The following GALNT13 variants were observed in gnomAD, a reference collection of about 807,000 sequenced individuals.
GALNT13 encodes polypeptide N-acetylgalactosaminyltransferase 13.
Under a neutral mutation model 64.2 loss-of-function variants are expected in GALNT13, and 28 were observed. That is an observed-to-expected ratio of 0.44 (90% confidence interval 0.32 to 0.60). The LOEUF (loss-of-function observed/expected upper bound fraction) is 0.60, where lower values mean the gene tolerates loss of function less well. GALNT13 is among the 20% of genes least tolerant of loss of function. GALNT13 has a pLI of 0.05. For missense variants in GALNT13, 577 were observed against 669.8 expected (o/e 0.86, Z 1.53); for synonymous variants, 214 against 224.6 (o/e 0.95, Z 0.42).
chr2:153,345,641 TTCTTTCTTTC>T, the GALNT13 span, among the ~76,000 whole-genome samples: 4 of 101,614 alleles, frequency 3.9e-5, no homozygotes, highest in East Asian at 1.3e-3. Context: ...TTCTTTTTCT[TTCTTTCTTTC>T]TTTCTTTCTT....
chr2:154,288,419 A>T (rs1692403971), intron 8 of GALNT13, among the ~76,000 whole-genome samples: 1 of 152,080 alleles, frequency 6.6e-6, no homozygotes, highest in African/African-American at 2.4e-5. Context: ...AAAACCAATC[A>T]TGCCTTCCCA....
chr2:154,375,485 T>C (rs557511045), intron 9 of GALNT13, among the ~76,000 whole-genome samples: 10 of 152,238 alleles, frequency 6.6e-5, no homozygotes, highest in Admixed American at 2.6e-4. Context: ...CATTGGGCGC[T>C]TGCTTCCAAG....
chr2:154,000,367 C>G (rs771044120), intron 3 of GALNT13, among the ~76,000 whole-genome samples: 2 of 151,878 alleles, frequency 1.3e-5, no homozygotes, highest in Non-Finnish European at 2.9e-5. Flanking sequence ...GTACTTTGTT[C>G]TTTTTCCTTT....
chr2:153,844,500 G>A, the GALNT13 span, among the ~76,000 whole-genome samples: 1 of 152,318 alleles, frequency 6.6e-6, no homozygotes, highest in South Asian at 2.1e-4. Context: ...GGCCTGTAAT[G>A]GAAGGGGCTG....
At chr2:153,082,826 ATTTATT>A in the GALNT13 span, among the ~76,000 whole-genome samples, 1 of 146,946 alleles carries the variant, frequency 6.8e-6, no homozygotes, top group Admixed American at 6.9e-5. Context: ...AATATATTTT[ATTTATT>A]TATTTATTTA....
At chr2:154,213,674 AGAG>A (rs1687895612) in intron 4 of GALNT13, among the ~76,000 whole-genome samples, 1 of 152,084 alleles carries the variant, frequency 6.6e-6, no homozygotes, top group African/African-American at 2.4e-5. Flanking sequence ...GTATATCACA[AGAG>A]GAGATGGTGG....
At chr2:153,233,621 C>A in the GALNT13 span, among the ~76,000 whole-genome samples, 2 of 152,088 alleles carry the variant, frequency 1.3e-5, no homozygotes, top group African/African-American at 4.8e-5. Flanking sequence ...TCCTAAACTA[C>A]TTTTTATGTA....
intron 3 of GALNT13, among the ~76,000 whole-genome samples, chr2:154,087,567 G>A (rs1701595103): frequency 6.6e-6 from 1 of 151,938 alleles, no homozygotes; most frequent in Admixed American, 6.6e-5. Flanking sequence ...GTAAATAATT[G>A]AAAGGCTTTA....
intron 11 of GALNT13, among the ~76,000 whole-genome samples, chr2:154,421,611 A>AATTC (rs1700254938): frequency 0.01 from 1 of 98 alleles, no homozygotes; most frequent in African/African-American, 0.019. Flanking sequence ...TTTTTTTCCA[A>AATTC]ATCTATTCTT....
chr2:153,861,540 C>T, the GALNT13 span, among the ~76,000 whole-genome samples: 122,077 of 146,500 alleles, frequency 0.83, 51,581 homozygotes, highest in Non-Finnish European at 0.9. Context: ...GATTTTTTCT[C>T]TTTTCTTTTT....
At chr2:153,740,853 C>A in the GALNT13 span, among the ~76,000 whole-genome samples, 2 of 152,128 alleles carry the variant, frequency 1.3e-5, no homozygotes, top group Non-Finnish European at 2.9e-5. Flanking sequence ...TTATGCATAT[C>A]ATTTGGGGCA....
chr2:153,619,950 G>T, the GALNT13 span, among the ~76,000 whole-genome samples: 1 of 151,888 alleles, frequency 6.6e-6, no homozygotes, highest in Admixed American at 6.6e-5. Flanking sequence ...AATCTGCTTG[G>T]TGTTCCATAA....
At chr2:153,180,846 C>T in the GALNT13 span, among the ~76,000 whole-genome samples, 18 of 151,644 alleles carry the variant, frequency 1.2e-4, no homozygotes, top group Admixed American at 3.3e-4. Context: ...TCATAATAGT[C>T]GCTTATGATC....
the GALNT13 span, among the ~76,000 whole-genome samples, chr2:153,475,930 T>A: frequency 6.6e-6 from 1 of 152,202 alleles, no homozygotes; most frequent in African/African-American, 2.4e-5. Flanking sequence ...AGAAACTGTC[T>A]ATAAAATAGA....
intron 11 of GALNT13, among the ~76,000 whole-genome samples, chr2:154,411,302 A>C (rs1699779755): frequency 6.7e-6 from 1 of 148,482 alleles, no homozygotes; most frequent in African/African-American, 2.5e-5. Context: ...TTCCATCTAC[A>C]TACTTAATTG....
the GALNT13 span, among the ~76,000 whole-genome samples, chr2:153,142,856 A>T: frequency 6.6e-6 from 1 of 151,942 alleles, no homozygotes; most frequent in Non-Finnish European, 1.5e-5. Context: ...GGTATTCTAG[A>T]GGCCCACTTA....
intron 11 of GALNT13, among the ~76,000 whole-genome samples, chr2:154,432,010 C>T (rs1257193774): frequency 2.0e-5 from 3 of 152,022 alleles, no homozygotes; most frequent in Admixed American, 2.0e-4. Flanking sequence ...AAAACATCAT[C>T]TATGAAAAGA....
In GALNT13 at chr2:154,373,689, A is replaced by G. The variant is rs1298095448; in HGVS notation, c.1157-22302A>G. On this transcript the variant is annotated intron_variant, in intron 9 of 12. Transcript: ENST00000392825. ...TTATATTGTCTTTACTTACATCATC[A>G]TTAAGTCAAAAGACATAAAACAGGT... is the stretch of plus-strand genomic sequence containing the variant. Among the ~76,000 whole-genome samples, 3 of 152,216 alleles carry G rather than the reference A, an allele frequency of 2.0e-5. No individual in the cohort carries two copies. In the East Asian group the frequency reaches 5.8e-4, roughly 29 times the overall value.
chr2:154,406,374 A>G (rs965635911), intron 10 of GALNT13, among the ~76,000 whole-genome samples: 1 of 152,084 alleles, frequency 6.6e-6, no homozygotes, highest in African/African-American at 2.4e-5. Context: ...AGCCACAATA[A>G]GCTACTATTA....
Sources: allele counts gnomAD v4.1 joint callset (sites outside exome capture counted in the v4.1 genomes callset), GRCh38; gene constraint gnomAD v4.1.1; transcripts MANE v1.5; gene names NCBI Gene and HGNC (gene_info 2026-07-23, HGNC 2026-07-21).